ACYP2: variants seen among roughly 807,000 people sequenced by gnomAD.
ACYP2 encodes acylphosphatase-2.
Under a neutral mutation model 11.2 loss-of-function variants are expected in ACYP2, and 12 were observed. The observed-to-expected ratio is 1.08, with a 90% CI of 0.69 to 1.74. The LOEUF is 1.74. Among genes scored for constraint, ACYP2 ranks in the 40% most tolerant of loss-of-function variants. The pLI is 0.00. For missense variants in ACYP2, 134 were observed against 101.9 expected (o/e 1.31, Z -1.35); for synonymous variants, 43 against 32.2 (o/e 1.33, Z -1.13).
intron 4 of ACYP2, among the ~76,000 whole-genome samples, chr2:54,110,962 A>C (rs1679430235): frequency 6.6e-6 from 1 of 152,034 alleles, no homozygotes; most frequent in Admixed American, 6.5e-5. Context: ...GACTTCTATC[A>C]CTGGTAGGGC....
At chr2:53,995,240 T>G (rs1672513594) in intron 2 of ACYP2, among the ~76,000 whole-genome samples, 3 of 152,100 alleles carry the variant, frequency 2.0e-5, no homozygotes, top group African/African-American at 7.2e-5. Context: ...GAAAAAAAAT[T>G]GGTTCCTCTA....
At chr2:54,118,656 G>A (rs974111216) in intron 4 of ACYP2, among the ~76,000 whole-genome samples, 10 of 152,110 alleles carry the variant, frequency 6.6e-5, no homozygotes, top group Non-Finnish European at 1.0e-4. Flanking sequence ...GTGGTAACAC[G>A]GTATATAATC....
chr2:53,994,427 G>A (rs1672462445), intron 2 of ACYP2, among the ~76,000 whole-genome samples: 2 of 150,430 alleles, frequency 1.3e-5, no homozygotes, highest in Non-Finnish European at 3.0e-5. Flanking sequence ...GCTGAGGCAG[G>A]AGAATCACTT....
chr2:53,992,306 C>T (rs1018045546), intron 2 of ACYP2, among the ~76,000 whole-genome samples: 14 of 151,932 alleles, frequency 9.2e-5, no homozygotes, highest in Middle Eastern at 3.2e-3. Flanking sequence ...CTTAAATTTA[C>T]TCTAAGTGCA....
chr2:54,132,106 A>C (rs542539691), intron 4 of ACYP2, among the ~76,000 whole-genome samples: 57 of 152,266 alleles, frequency 3.7e-4, no homozygotes, highest in African/African-American at 1.3e-3. Flanking sequence ...CCTAGACCAA[A>C]ACTTTCAGTC....
At chr2:54,049,484 C>T (rs978252467) in intron 2 of ACYP2, among the ~76,000 whole-genome samples, 1 of 152,164 alleles carries the variant, frequency 6.6e-6, no homozygotes, top group African/African-American at 2.4e-5. Context: ...CAAAACCTTC[C>T]CTTGTCAAAA....
chr2:54,107,964 T>C (rs1332546269), intron 4 of ACYP2, among the ~76,000 whole-genome samples: 2 of 152,188 alleles, frequency 1.3e-5, no homozygotes, highest in African/African-American at 4.8e-5. Flanking sequence ...CATCAGAAGC[T>C]GCCATGCTCT....
At chr2:54,022,923 A>C (rs1440447974) in intron 2 of ACYP2, among the ~76,000 whole-genome samples, 1 of 152,076 alleles carries the variant, frequency 6.6e-6, no homozygotes, top group Non-Finnish European at 1.5e-5. Context: ...ACGACTTTCC[A>C]ATCTTCATCA....
At chr2:54,084,543 C>T (rs1358652758) in intron 4 of ACYP2, 2 of 152,226 alleles carry the variant, frequency 1.3e-5, no homozygotes, top group African/African-American at 4.8e-5. Flanking sequence ...CCACCTGCCT[C>T]CACCTCCCAA....
chr2:54,233,717 G>A (rs1244855815), intron 6 of ACYP2, among the ~76,000 whole-genome samples: 1 of 152,094 alleles, frequency 6.6e-6, no homozygotes, highest in Non-Finnish European at 1.5e-5. Context: ...ATTACTAATT[G>A]AAGTTTTGAA....
chr2:54,070,082 C>T (rs1429374932), intron 4 of ACYP2, among the ~76,000 whole-genome samples: 1 of 151,620 alleles, frequency 6.6e-6, no homozygotes, highest in African/African-American at 2.4e-5. Context: ...ACCAGCCTGA[C>T]CAACATGGAA....
chr2:53,973,905 ATAT>A lies in ACYP2; in HGVS notation c.62+97_62+99del, dbSNP rs1427567372. The stretch of plus-strand genomic sequence containing the variant: ...TGTGTGTGTGTGTGTGTGTGTGTAT[ATAT>A]TTTTTTTTTTTTTTTTTTTTTTGAG... On this transcript the variant is annotated intron_variant, in intron 2 of 6. Coordinates refer to ENST00000607452, the MANE Select transcript of ACYP2 (RefSeq NM_001320586.2). 5.0e-3 allele frequency: 396 copies of A among 78,642 alleles called. 10 individuals carry two copies. Among genetic ancestry groups the A allele is most frequent in the Non-Finnish European group, 7.7e-3 (320 of 41,650 alleles). The allele number at this position is 78,642 out of a possible 1,614,324, so 4.9% of individuals were successfully genotyped here. A position where few individuals can be genotyped will look rare whatever the true frequency, so the allele number is the denominator to read the frequency against.
chr2:54,010,478 C>G (rs1224525258), intron 2 of ACYP2, among the ~76,000 whole-genome samples: 4 of 103,914 alleles, frequency 3.8e-5, no homozygotes, highest in Non-Finnish European at 5.5e-5. Flanking sequence ...GAGTTAAACT[C>G]TGTCTCAAAA....
chr2:54,013,955 C>G (rs144268668), intron 2 of ACYP2, among the ~76,000 whole-genome samples: 250 of 151,994 alleles, frequency 1.6e-3, no homozygotes, highest in African/African-American at 5.8e-3. Context: ...GTCAGGAGTT[C>G]GAGACCAGCC....
intron 4 of ACYP2, among the ~76,000 whole-genome samples, chr2:54,101,175 T>C (rs1331989296): frequency 6.6e-6 from 1 of 152,128 alleles, no homozygotes; most frequent in Non-Finnish European, 1.5e-5. Flanking sequence ...TCCTGGCCTG[T>C]AGGGAAGAAC....
At chr2:54,229,033 A>G (rs1015053938) in intron 6 of ACYP2, among the ~76,000 whole-genome samples, 4 of 152,186 alleles carry the variant, frequency 2.6e-5, no homozygotes, top group East Asian at 3.9e-4. Flanking sequence ...ATGCATAGTT[A>G]TAAGTCAGGG....
At position 53,977,710 on chromosome 2, in the gene ACYP2, G is replaced by C. The variant is rs1400096941; in HGVS notation, c.62+3900G>C. On this transcript the variant is annotated intron_variant, in intron 2 of 6. Transcript: ENST00000607452. Reference sequence around the variant, plus strand: ...AGATTGTGCCACTGCACTCCAGCCTGGGTGGCAGAGCAAGACTCCATCTCA... The same window carrying C: ...AGATTGTGCCACTGCACTCCAGCCTCGGTGGCAGAGCAAGACTCCATCTCA... Among the ~76,000 whole-genome samples the C allele has an allele frequency of 2.0e-5, 3 of 150,890 alleles. No homozygotes were observed. The East Asian group carries it at 5.9e-4, about 30-fold the overall frequency.
At chr2:54,149,014 G>A (rs189997749) in intron 6 of ACYP2, among the ~76,000 whole-genome samples, 2 of 152,266 alleles carry the variant, frequency 1.3e-5, no homozygotes, top group Admixed American at 1.3e-4. Flanking sequence ...CACTTTGAGG[G>A]GTGAGGTGGG....
At chr2:54,222,699 G>GT (rs1333985600) in intron 6 of ACYP2, among the ~76,000 whole-genome samples, 2 of 152,112 alleles carry the variant, frequency 1.3e-5, no homozygotes, top group South Asian at 2.1e-4. Flanking sequence ...CCAAATTGCT[G>GT]TTTTTTAGCA....
Sources: allele counts gnomAD v4.1 joint callset (sites outside exome capture counted in the v4.1 genomes callset), GRCh38; gene constraint gnomAD v4.1.1; transcripts MANE v1.5; gene names NCBI Gene and HGNC (gene_info 2026-07-23, HGNC 2026-07-21).